The following TANGO6 variants were observed in gnomAD, a reference collection of about 807,000 sequenced individuals.
The protein encoded by TANGO6 is transport and Golgi organization protein 6 homolog.
In TANGO6, 90 loss-of-function variants were observed where a neutral mutation model predicts 114.2. That is an observed-to-expected ratio of 0.79 (90% confidence interval 0.66 to 0.94). The LOEUF (loss-of-function observed/expected upper bound fraction) is 0.94, where lower values mean the gene tolerates loss of function less well. Ranked by LOEUF, TANGO6 falls within the 40% of genes least tolerant of loss-of-function variation. TANGO6 has a pLI of 0.00. For missense variants in TANGO6, 1,274 were observed against 1,315.3 expected, an observed-to-expected ratio of 0.97 and a Z score of 0.49; for synonymous variants, 477 against 509.8, an observed-to-expected ratio of 0.94 and a Z score of 0.87.
intron 5 of TANGO6, among the ~76,000 whole-genome samples, chr16:68,877,161 TG>T (rs1232336110): frequency 1.3e-5 from 2 of 152,170 alleles, no homozygotes; most frequent in African/African-American, 4.8e-5. Flanking sequence ...TTTTGATCTT[TG>T]CAAATCTGAT....
At chr16:68,939,770 G>T (rs1399186091) in intron 14 of TANGO6, among the ~76,000 whole-genome samples, 3 of 152,222 alleles carry the variant, frequency 2.0e-5, no homozygotes, top group South Asian at 4.2e-4. Context: ...CATATTTTCA[G>T]ATTTTAATCT....
At chr16:69,056,775 G>C (rs1017909170) in intron 17 of TANGO6, among the ~76,000 whole-genome samples, 2 of 152,070 alleles carry the variant, frequency 1.3e-5, no homozygotes, top group Non-Finnish European at 2.9e-5. Context: ...GCACTCATTA[G>C]CAATGCAAGT....
At chr16:68,874,307 T>C (rs914441056) in intron 4 of TANGO6, among the ~76,000 whole-genome samples, 6 of 152,208 alleles carry the variant, frequency 3.9e-5, no homozygotes, top group Non-Finnish European at 8.8e-5. Context: ...GCTATTGTTA[T>C]CGCCTGAAAA....
chr16:68,865,017 C>T (rs1269179023), intron 3 of TANGO6, among the ~76,000 whole-genome samples: 1 of 152,012 alleles, frequency 6.6e-6, no homozygotes, highest in Non-Finnish European at 1.5e-5. Flanking sequence ...GTGGCTCACC[C>T]CTGTAATCCC....
rs193237547 is a variant in TANGO6 at position 69,053,271 on chromosome 16, A to G, written c.3108+12850A>G. ...ACAAATATATATATTCCCCCTCCCC[A>G]TTCTCCCTATTTAGTTACATTACAG... is the stretch of plus-strand genomic sequence containing the variant. On this transcript the variant is annotated intron_variant, in intron 17 of 17. Coordinates refer to ENST00000261778, the MANE Select transcript of TANGO6 (RefSeq NM_024562.2). 2.9e-3 allele frequency among the ~76,000 whole-genome samples: 442 copies of G among 151,968 alleles called. 3 individuals carry two copies. Among genetic ancestry groups the G allele is most frequent in the African/African-American group, 0.01 (416 of 41,448 alleles).
chr16:69,049,006 G>A (rs1165607405), intron 17 of TANGO6, among the ~76,000 whole-genome samples: 1 of 152,146 alleles, frequency 6.6e-6, no homozygotes, highest in Non-Finnish European at 1.5e-5. Context: ...GGTAAAATGA[G>A]TGTGCTCTCT....
At chr16:68,884,042 T>G (rs1962503065) in intron 7 of TANGO6, among the ~76,000 whole-genome samples, 2 of 152,090 alleles carry the variant, frequency 1.3e-5, no homozygotes, top group Admixed American at 6.6e-5. Context: ...CCCCAGTAGC[T>G]GAAATTACAG....
chr16:68,877,528 C>T (rs559352145), intron 5 of TANGO6, among the ~76,000 whole-genome samples: 1 of 150,822 alleles, frequency 6.6e-6, no homozygotes, highest in South Asian at 2.1e-4. Context: ...ATTCCCTATG[C>T]GTATGCCTAA....
chr16:68,893,981 G>A (rs188639901), intron 7 of TANGO6, among the ~76,000 whole-genome samples: 1 of 152,226 alleles, frequency 6.6e-6, no homozygotes, highest in African/African-American at 2.4e-5. Flanking sequence ...CCCTCCATGG[G>A]GCAGGAACAG....
At chr16:69,050,197 A>G (rs983995909) in intron 17 of TANGO6, among the ~76,000 whole-genome samples, 1 of 152,192 alleles carries the variant, frequency 6.6e-6, no homozygotes, top group Admixed American at 6.5e-5. Flanking sequence ...CCCACCAGCA[A>G]TGCATGAGGT....
chr16:69,083,847 G>C lies in TANGO6; in HGVS notation c.*186G>C, dbSNP rs143039049. 1 of 589,970 alleles carries C rather than the reference G, an allele frequency of 1.7e-6. No individual in the cohort carries two copies. Among genetic ancestry groups the C allele is most frequent in the Non-Finnish European group, 3.0e-6 (1 of 337,266 alleles). 36.5% of individuals were successfully genotyped at this position (589,970 alleles called of 1,614,324 possible). A position where few individuals can be genotyped will look rare whatever the true frequency, so the allele number is the denominator to read the frequency against. ...CCGAGGGCATGTGTTCAGCACTCCC[G>C]CGTTCAGCCTGAGGGGTGTACAGTT... On this transcript the variant is annotated 3_prime_UTR_variant, in exon 18 of 18. Coordinates refer to ENST00000261778, the MANE Select transcript of TANGO6 (RefSeq NM_024562.2).
At chr16:69,080,638 C>G (rs779929407) in intron 17 of TANGO6, among the ~76,000 whole-genome samples, 1 of 152,158 alleles carries the variant, frequency 6.6e-6, no homozygotes, top group African/African-American at 2.4e-5. Flanking sequence ...GAATGATGTC[C>G]TCTGAGAAGG....
At chr16:69,063,333 G>A (rs1245364899) in intron 17 of TANGO6, among the ~76,000 whole-genome samples, 4 of 151,976 alleles carry the variant, frequency 2.6e-5, no homozygotes, top group Admixed American at 6.6e-5. Context: ...GACCATCCTG[G>A]CTAACACAGT....
At chr16:68,851,723 A>G (rs1317968379) in intron 1 of TANGO6, among the ~76,000 whole-genome samples, 2 of 152,160 alleles carry the variant, frequency 1.3e-5, no homozygotes, top group Admixed American at 6.5e-5. Context: ...TGCCTATGTA[A>G]TTTTGCTAGA....
chr16:68,886,043 A>T (rs1015768404), intron 7 of TANGO6, among the ~76,000 whole-genome samples: 32 of 152,098 alleles, frequency 2.1e-4, no homozygotes, highest in African/African-American at 7.7e-4. Flanking sequence ...TCTGGCCAAA[A>T]TTTTTTACCT....
intron 17 of TANGO6, among the ~76,000 whole-genome samples, chr16:69,076,088 CT>C (rs34844519): frequency 1.6e-3 from 138 of 85,664 alleles, no homozygotes; most frequent in South Asian, 0.012. Flanking sequence ...TATTTCATTT[CT>C]TTTTTTTTTT....
intron 2 of TANGO6, among the ~76,000 whole-genome samples, chr16:68,862,190 A>G (rs975482699): frequency 4.0e-5 from 6 of 151,828 alleles, no homozygotes; most frequent in African/African-American, 1.5e-4. Context: ...GGCATGTGCC[A>G]CCATATCCAG....
intron 17 of TANGO6, among the ~76,000 whole-genome samples, chr16:69,059,226 C>T (rs1019245091): frequency 5.9e-5 from 9 of 151,954 alleles, no homozygotes; most frequent in African/African-American, 9.7e-5. Context: ...TACGCCACCA[C>T]GCCTGGCTAA....
At chr16:68,927,105 A>G (rs186960674) in intron 12 of TANGO6, 2 of 160,948 alleles carry the variant, frequency 1.2e-5, no homozygotes, top group African/African-American at 4.8e-5. Context: ...TCTATGGTGC[A>G]CTTGCATACT....
Sources: gnomAD v4.1 joint callset for allele counts (sites outside exome capture counted in the v4.1 genomes callset) on GRCh38, gnomAD v4.1.1 for gene constraint, MANE v1.5 for transcripts, NCBI Gene and HGNC (gene_info 2026-07-23, HGNC 2026-07-21) for gene names.